RALYL: variants seen among roughly 807,000 people sequenced by gnomAD.
RALYL encodes RALY RNA binding protein like.
Under a neutral mutation model 35.1 loss-of-function variants are expected in RALYL, and 29 were observed. The observed-to-expected ratio is 0.83, with a 90% CI of 0.61 to 1.13. The LOEUF (loss-of-function observed/expected upper bound fraction) is 1.13, where lower values mean the gene tolerates loss of function less well. RALYL is among the 50% of genes most tolerant of loss of function. The pLI is 0.00. For synonymous variants in RALYL, 120 were observed against 127.6 expected, an observed-to-expected ratio of 0.94 and a Z score of 0.40; for missense variants, 359 against 360.4, an observed-to-expected ratio of 1.00 and a Z score of 0.03.
At chr8:84,576,627 C>A (rs1809499859) in intron 2 of RALYL, among the ~76,000 whole-genome samples, 1 of 152,170 alleles carries the variant, frequency 6.6e-6, no homozygotes, top group Admixed American at 6.5e-5. Flanking sequence ...CTACACCTCA[C>A]TATACTTATC....
intron 2 of RALYL, among the ~76,000 whole-genome samples, chr8:84,652,181 A>T (rs988626603): frequency 6.6e-6 from 1 of 152,038 alleles, no homozygotes; most frequent in Non-Finnish European, 1.5e-5. Context: ...TAAAAATATA[A>T]ATCTCTTCTT....
intron 3 of RALYL, among the ~76,000 whole-genome samples, chr8:84,790,041 G>C (rs1820418643): frequency 6.6e-6 from 1 of 152,156 alleles, no homozygotes; most frequent in African/African-American, 2.4e-5. Context: ...TAGTCTTAGG[G>C]GTAGGTGAAG....
At chr8:84,501,137 G>C (rs1050792207) in intron 1 of RALYL, among the ~76,000 whole-genome samples, 1 of 152,064 alleles carries the variant, frequency 6.6e-6, no homozygotes, top group Non-Finnish European at 1.5e-5. Flanking sequence ...TGTGTTTGTA[G>C]GAAAGTTATT....
chr8:84,589,590 T>C (rs542808563), intron 2 of RALYL, among the ~76,000 whole-genome samples: 2 of 152,352 alleles, frequency 1.3e-5, no homozygotes, highest in Non-Finnish European at 2.9e-5. Context: ...CTTCAGGTTA[T>C]GTATCAGGAA....
At chr8:84,317,615 T>A (rs1349477068) in intron 1 of RALYL, among the ~76,000 whole-genome samples, 1 of 152,204 alleles carries the variant, frequency 6.6e-6, no homozygotes. Context: ...TTGCCATGAT[T>A]AGCTTAGTTA....
At chr8:84,718,001 G>GT (rs1484003183) in intron 2 of RALYL, among the ~76,000 whole-genome samples, 3 of 152,036 alleles carry the variant, frequency 2.0e-5, no homozygotes, top group Admixed American at 6.6e-5. Context: ...TCATTATTGA[G>GT]TTTTTTATGA....
At chr8:84,531,326 C>T (rs1403893499) in intron 2 of RALYL, among the ~76,000 whole-genome samples, 1 of 151,934 alleles carries the variant, frequency 6.6e-6, no homozygotes, top group Non-Finnish European at 1.5e-5. Context: ...AGGGAATAGT[C>T]TTGAGGGAAA....
intron 1 of RALYL, among the ~76,000 whole-genome samples, chr8:84,312,804 C>T (rs1179054620): frequency 6.6e-6 from 1 of 152,196 alleles, no homozygotes; most frequent in African/African-American, 2.4e-5. Context: ...GCACATGGTG[C>T]AAGCTGTCAG....
At chr8:84,287,269 A>G (rs900076572) in intron 1 of RALYL, among the ~76,000 whole-genome samples, 3 of 152,112 alleles carry the variant, frequency 2.0e-5, no homozygotes, top group Non-Finnish European at 4.4e-5. Flanking sequence ...AGTTGAGGAT[A>G]GTAGTGGATG....
intron 1 of RALYL, among the ~76,000 whole-genome samples, chr8:84,351,837 G>A (rs116150612): frequency 1.1e-4 from 16 of 150,302 alleles, no homozygotes; most frequent in African/African-American, 3.7e-4. Flanking sequence ...TGTGACAATA[G>A]GTATTTTGGC....
chr8:84,605,134 C>CT (rs560271785), intron 2 of RALYL, among the ~76,000 whole-genome samples: 1 of 152,054 alleles, frequency 6.6e-6, no homozygotes, highest in Non-Finnish European at 1.5e-5. Flanking sequence ...CTCACTTGCT[C>CT]TTTTTTTCTC....
chr8:84,648,758 T>C (rs550418135), intron 2 of RALYL, among the ~76,000 whole-genome samples: 1 of 151,390 alleles, frequency 6.6e-6, no homozygotes, highest in South Asian at 2.1e-4. Flanking sequence ...TGAATTTATA[T>C]TCAATGCATT....
chr8:84,387,255 A>G (rs1383366255), intron 1 of RALYL, among the ~76,000 whole-genome samples: 1 of 151,644 alleles, frequency 6.6e-6, no homozygotes, highest in Non-Finnish European at 1.5e-5. Flanking sequence ...ATTATCTGTA[A>G]TCCGTATGTA....
At chr8:84,594,152 C>T (rs1813933068) in intron 2 of RALYL, among the ~76,000 whole-genome samples, 3 of 151,990 alleles carry the variant, frequency 2.0e-5, no homozygotes, top group Admixed American at 2.0e-4. Context: ...ATTTCCCATC[C>T]CACTTTAAGT....
chr8:84,370,844 A>G (rs1465980020), intron 1 of RALYL, among the ~76,000 whole-genome samples: 2 of 152,036 alleles, frequency 1.3e-5, no homozygotes, highest in East Asian at 1.9e-4. Flanking sequence ...TGGGCAGTAT[A>G]TATAGCTGCC....
Position 84,606,053 on chromosome 8 carries a change from A to T in RALYL, c.256+76476A>T, listed in dbSNP as rs545601354. 3.9e-5 allele frequency among the ~76,000 whole-genome samples: 6 copies of T among 152,230 alleles called. No individual in the cohort carries two copies. In the South Asian group the frequency reaches 1.2e-3, roughly 32 times the overall value. On this transcript the variant is annotated intron_variant, in intron 2 of 8. Coordinates refer to ENST00000521268, the MANE Select transcript of RALYL (RefSeq NM_173848.7). ...TCCTAACTCCTCCTCAGTGCATGTTATTAAGATCACAGGAGGTTTTCAACC... is the reference window on the plus strand; with the variant it reads ...TCCTAACTCCTCCTCAGTGCATGTTTTTAAGATCACAGGAGGTTTTCAACC...
intron 3 of RALYL, among the ~76,000 whole-genome samples, chr8:84,798,755 C>A (rs1822510277): frequency 1.3e-5 from 2 of 152,172 alleles, no homozygotes; most frequent in South Asian, 4.1e-4. Flanking sequence ...GCTTTGGATT[C>A]ATGATAAAGC....
At chr8:84,671,620 T>G (rs1417412032) in intron 2 of RALYL, among the ~76,000 whole-genome samples, 1 of 152,196 alleles carries the variant, frequency 6.6e-6, no homozygotes, top group East Asian at 1.9e-4. Context: ...CTGCCACAGC[T>G]TGGGGCTTCC....
At chr8:84,782,566 G>A (rs1818435096) in intron 3 of RALYL, among the ~76,000 whole-genome samples, 1 of 152,202 alleles carries the variant, frequency 6.6e-6, no homozygotes, top group Admixed American at 6.5e-5. Flanking sequence ...TCATGAAATT[G>A]TTGCTTTCTT....
Sources: allele counts gnomAD v4.1 joint callset (sites outside exome capture counted in the v4.1 genomes callset), GRCh38; gene constraint gnomAD v4.1.1; transcripts MANE v1.5; gene names NCBI Gene and HGNC (gene_info 2026-07-23, HGNC 2026-07-21).